The following HTR1E variants were observed in gnomAD, a reference collection of about 807,000 sequenced individuals.
The protein encoded by HTR1E is 5-hydroxytryptamine receptor 1E, also known as 5-HT-1E.
HTR1E carries 3 observed loss-of-function variants against 3.4 expected under a neutral mutation model. The observed-to-expected ratio is 0.89, with a 90% confidence interval of 0.41 to 2.31. The LOEUF (loss-of-function observed/expected upper bound fraction) is 2.31, where lower values mean the gene tolerates loss of function less well. Among genes scored for constraint, HTR1E ranks in the 30% most tolerant of loss-of-function variants. The probability of loss-of-function intolerance (pLI) is 0.05; values close to 1 mark genes in which losing one functional copy is unlikely to be tolerated. For synonymous variants in HTR1E, 170 were observed against 182.8 expected (o/e 0.93, Z 0.56); for missense variants, 392 against 467.0 (o/e 0.84, Z 1.48).
Position 87,001,010 on chromosome 6 carries a change from G to A in HTR1E, c.-185-14140G>A, listed in dbSNP as rs561464297. Among the ~76,000 whole-genome samples, 129 of 152,154 alleles carry A rather than the reference G, an allele frequency of 8.5e-4. 1 individual carries two copies. The highest frequency in any genetic ancestry group is 3.0e-3 in the African/African-American group (124 of 41,538). On this transcript the variant is annotated intron_variant, in intron 1 of 1. Transcript: ENST00000305344. The stretch of plus-strand genomic sequence containing the variant: ...TTAAAAGTAGGGGGATAAAGCTAAC[G>A]TGTAGCATTTTTATTAGTTTTCTCT...
At chr6:86,986,660 C>T (rs1048098401) in intron 1 of HTR1E, among the ~76,000 whole-genome samples, 1 of 152,072 alleles carries the variant, frequency 6.6e-6, no homozygotes, top group African/African-American at 2.4e-5. Flanking sequence ...TCGCATTTCC[C>T]ATTATATCTG....
intron 1 of HTR1E, among the ~76,000 whole-genome samples, chr6:86,971,731 GGGATGT>G (rs1464189971): frequency 6.6e-6 from 1 of 152,060 alleles, no homozygotes; most frequent in Non-Finnish European, 1.5e-5. Flanking sequence ...AGATTCAGAG[GGGATGT>G]GCAGGTTTTG....
chr6:87,009,923 G>A (rs1372745582), intron 1 of HTR1E, among the ~76,000 whole-genome samples: 6 of 122,374 alleles, frequency 4.9e-5, no homozygotes, highest in South Asian at 2.7e-4. Context: ...GCGGCTGGCC[G>A]GGCAGAGGGG....
chr6:86,951,204 CG>C (rs564174424), intron 1 of HTR1E, among the ~76,000 whole-genome samples: 59 of 152,270 alleles, frequency 3.9e-4, no homozygotes, highest in African/African-American at 1.4e-3. Flanking sequence ...ATCACTAATA[CG>C]GATAATTTCT....
intron 1 of HTR1E, among the ~76,000 whole-genome samples, chr6:86,943,393 G>T (rs192365455): frequency 3.2e-4 from 48 of 152,318 alleles, no homozygotes; most frequent in Non-Finnish European, 2.1e-4. Context: ...CAGCGTGGCA[G>T]TGAAGCACAG....
At chr6:87,005,694 A>AAAAGTAGGGG (rs1768093091) in intron 1 of HTR1E, among the ~76,000 whole-genome samples, 1 of 152,174 alleles carries the variant, frequency 6.6e-6, no homozygotes, top group Non-Finnish European at 1.5e-5. Flanking sequence ...AGATTTCTTG[A>AAAAGTAGGGG]GAAATACTCC....
rs546457254 is a variant in HTR1E, at chr6:87,016,612, G to T, written c.*180G>T. The T allele has an allele frequency of 7.6e-6, 4 of 524,502 alleles. No homozygotes were observed. 32.5% of individuals were successfully genotyped at this position (524,502 alleles called of 1,614,324 possible). ...TTTTGTTTGAGGATTGTTATTTGGC[G>T]TGCTGTTTTCTACCTCTGGTCTTAT... is the stretch of plus-strand genomic sequence containing the variant. On this transcript the variant is annotated 3_prime_UTR_variant, in exon 2 of 2. Transcript: ENST00000305344.
intron 1 of HTR1E, among the ~76,000 whole-genome samples, chr6:86,946,613 G>C (rs1254733886): frequency 6.6e-6 from 1 of 152,188 alleles, no homozygotes; most frequent in Non-Finnish European, 1.5e-5. Context: ...ATGACTATAT[G>C]TTTCAGCTTC....
At chr6:86,950,182 C>CA (rs1411887534) in intron 1 of HTR1E, among the ~76,000 whole-genome samples, 1 of 152,136 alleles carries the variant, frequency 6.6e-6, no homozygotes, top group Admixed American at 6.6e-5. Context: ...TTGAATTATA[C>CA]AAAATTTCAC....
intron 1 of HTR1E, among the ~76,000 whole-genome samples, chr6:86,942,297 T>C (rs894332210): frequency 3.9e-5 from 6 of 152,204 alleles, no homozygotes; most frequent in Admixed American, 6.5e-5. Flanking sequence ...AGTTTGTCAT[T>C]GTAATTAATT....
At chr6:86,946,390 G>A (rs1768617243) in intron 1 of HTR1E, among the ~76,000 whole-genome samples, 1 of 152,164 alleles carries the variant, frequency 6.6e-6, no homozygotes, top group Non-Finnish European at 1.5e-5. Context: ...CATGCTGTCT[G>A]GCTTTGTAGC....
intron 1 of HTR1E, among the ~76,000 whole-genome samples, chr6:86,957,785 G>A (rs1388467727): frequency 6.6e-6 from 1 of 152,148 alleles, no homozygotes. Flanking sequence ...GAAAAAAAGG[G>A]CACAGTAAAG....
intron 1 of HTR1E, among the ~76,000 whole-genome samples, chr6:86,991,626 C>G (rs1285380364): frequency 6.6e-6 from 1 of 152,018 alleles, no homozygotes. Flanking sequence ...GGAGTGGTGA[C>G]AACAAGCTGT....
At position 87,015,471 on chromosome 6, in the gene HTR1E, C is replaced by T; in HGVS notation, c.137C>T (p.Ala46Val). The part of the protein sequence containing the change: ...TTLLNLAVIM[A>V]IGTTKKLHQP... The stretch of plus-strand genomic sequence containing the variant: ...TTGCTGAACTTGGCTGTGATCATGG[C>T]TATTGGCACCACCAAGAAGCTCCAC... The change falls in exon 2 of 2, where the codon GCT (alanine) becomes GTT (valine). Residue 46 changes from alanine (A) to valine (V), a missense_variant. Around this residue, in one of 3 missense-constraint regions of HTR1E, gnomAD observed 189 missense variants for 258.0 expected, o/e 0.73. Coordinates refer to ENST00000305344, the MANE Select transcript of HTR1E (RefSeq NM_000865.3). The T allele has an allele frequency of 6.2e-7, 1 of 1,614,046 alleles. No homozygotes were observed. Among genetic ancestry groups the T allele is most frequent in the Non-Finnish European group, 8.5e-7 (1 of 1,179,978 alleles).
chr6:86,979,614 CT>C (rs1359466173), intron 1 of HTR1E, among the ~76,000 whole-genome samples: 1 of 152,086 alleles, frequency 6.6e-6, no homozygotes, highest in Non-Finnish European at 1.5e-5. Flanking sequence ...TCCCTGGAGA[CT>C]TTAAGACATG....
chr6:86,989,775 C>A (rs962220647), intron 1 of HTR1E, among the ~76,000 whole-genome samples: 1 of 152,114 alleles, frequency 6.6e-6, no homozygotes, highest in Non-Finnish European at 1.5e-5. Flanking sequence ...CAAGGAGTGT[C>A]TTTTTCAGAG....
chr6:87,016,361 C>G lies in HTR1E; in HGVS notation c.1027C>G (p.Leu343Val), dbSNP rs1471295906. ...TGTGAATTCTCTGATCAACCCTCTG[C>G]TCTATACGAGTTTTAATGAAGACTT... ...GYVNSLINPL[L>V]YTSFNEDFKL... The change falls in exon 2 of 2, where the codon CTC (leucine) becomes GTC (valine). Residue 343 changes from leucine to valine, a missense_variant. This residue lies in a region of HTR1E where 25 missense variants were observed against 44.1 expected (regional missense o/e 0.57). Coordinates refer to ENST00000305344, the MANE Select transcript of HTR1E (RefSeq NM_000865.3). 2.5e-6 allele frequency: 4 copies of G among 1,614,074 alleles called. No individual in the cohort carries two copies. Among genetic ancestry groups the G allele is most frequent in the East Asian group, 2.2e-5 (1 of 44,886 alleles).
At chr6:87,001,982 C>T (rs923082484) in intron 1 of HTR1E, among the ~76,000 whole-genome samples, 4 of 152,008 alleles carry the variant, frequency 2.6e-5, no homozygotes, top group Non-Finnish European at 1.5e-5. Flanking sequence ...TTATATCAGA[C>T]AAAATAGATT....
chr6:86,963,230 C>G (rs1302308659), intron 1 of HTR1E, among the ~76,000 whole-genome samples: 1 of 151,924 alleles, frequency 6.6e-6, no homozygotes, highest in Non-Finnish European at 1.5e-5. Flanking sequence ...AAAAAATTTA[C>G]ATAGGAAAAA....
Sources: gnomAD v4.1 joint callset for allele counts (sites outside exome capture counted in the v4.1 genomes callset) on GRCh38, gnomAD v4.1.1 for gene constraint, gnomAD v4.1.1 regional missense constraint, MANE v1.5 for transcripts, NCBI Gene and HGNC (gene_info 2026-07-23, HGNC 2026-07-21) for gene names.